Variants in RAB11FIP3 observed in about 807,000 individuals in gnomAD.
RAB11FIP3 encodes the protein rab11 family-interacting protein 3.
In RAB11FIP3, 17 loss-of-function variants were observed where a neutral mutation model predicts 77.8. The ratio of observed to expected loss-of-function variants is 0.22; its 90% CI spans 0.15 to 0.33. The LOEUF is 0.33. Among genes scored for constraint, RAB11FIP3 ranks in the 10% least tolerant of loss-of-function variants. The probability of loss-of-function intolerance (pLI) is 1.00; values close to 1 mark genes in which losing one functional copy is unlikely to be tolerated. For synonymous variants in RAB11FIP3, 437 were observed against 448.2 expected, an observed-to-expected ratio of 0.98 and a Z score of 0.31; for missense variants, 1,005 against 1,011.2, an observed-to-expected ratio of 0.99 and a Z score of 0.08.
At chr16:441,665 C>T (rs1387677900) in intron 1 of RAB11FIP3, among the ~76,000 whole-genome samples, 2 of 152,218 alleles carry the variant, frequency 1.3e-5, no homozygotes, top group African/African-American at 4.8e-5. Context: ...CTGGAGCCCT[C>T]TGCCCCATGC....
At chr16:509,087 A>G (rs59689278) in intron 8 of RAB11FIP3, among the ~76,000 whole-genome samples, 2,143 of 152,204 alleles carry the variant, frequency 0.014, 50 homozygotes, top group African/African-American at 0.049. Context: ...TATTTTTAGT[A>G]GATTCAGGGT....
At chr16:498,519 G>A (rs1445348174) in intron 6 of RAB11FIP3, among the ~76,000 whole-genome samples, 1 of 151,864 alleles carries the variant, frequency 6.6e-6, no homozygotes, top group Non-Finnish European at 1.5e-5. Context: ...TCTTTTCTTG[G>A]CTTTCTTTTC....
rs555940776 is a variant in RAB11FIP3 at position 441,935 on chromosome 16, T to C, written c.714+15215T>C. On this transcript the variant is annotated intron_variant, in intron 1 of 13. Coordinates refer to ENST00000262305, the MANE Select transcript of RAB11FIP3 (RefSeq NM_014700.4). ...CTCACTGTAAGCGCCACCTCCCAGG[T>C]TCACGCCATTCTCCTGCCTCAGCCT... Among the ~76,000 whole-genome samples the C allele has an allele frequency of 3.3e-5, 5 of 152,280 alleles. No individual in the cohort carries two copies. In the South Asian group the frequency reaches 1.0e-3, roughly 32 times the overall value.
intron 6 of RAB11FIP3, chr16:497,120 G>T: frequency 1.7e-6 from 1 of 579,944 alleles, no homozygotes; most frequent in Non-Finnish European, 2.7e-6. Context: ...GTTCACTAAG[G>T]TCTGGAAGGG....
At chr16:437,728 T>C (rs12926123) in intron 1 of RAB11FIP3, among the ~76,000 whole-genome samples, 93,095 of 152,036 alleles carry the variant, frequency 0.61, 28,807 homozygotes, top group East Asian at 0.71. Context: ...CGCGCAAGAC[T>C]GTTATGTCAT....
At chr16:508,576 G>C (rs977044838) in intron 8 of RAB11FIP3, among the ~76,000 whole-genome samples, 3 of 152,104 alleles carry the variant, frequency 2.0e-5, no homozygotes, top group Non-Finnish European at 4.4e-5. Flanking sequence ...GTTTCACCAT[G>C]TTGGCCAGGC....
Position 493,848 on chromosome 16 carries a change from C to T in RAB11FIP3, c.1266-2976C>T, listed in dbSNP as rs375981652. Among the ~76,000 whole-genome samples, 161 of 146,038 alleles carry T rather than the reference C, an allele frequency of 1.1e-3. 4 individuals are homozygous for T. The East Asian group carries it at 0.012, about 10-fold the overall frequency. ...ACCTCGTGATCCGCCCGCCTTGACC[C>T]CCCAAAGTGCTGGGATTACAGGCTG... On this transcript the variant is annotated intron_variant, in intron 5 of 13. Transcript: ENST00000262305.
At chr16:508,790 G>A (rs1403287487) in intron 8 of RAB11FIP3, among the ~76,000 whole-genome samples, 1 of 152,182 alleles carries the variant, frequency 6.6e-6, no homozygotes, top group Admixed American at 6.5e-5. Context: ...TAGTCACACA[G>A]TGGGCCTTCT....
At chr16:519,536 CCCTCGTGGCCTGCGTGTGCG>C (rs1182851142) in intron 10 of RAB11FIP3, among the ~76,000 whole-genome samples, 198 bp from the exon 11 acceptor site, 2 of 152,254 alleles carry the variant, frequency 1.3e-5, no homozygotes, top group Non-Finnish European at 2.9e-5. Context: ...TGAGAAACGG[CCCTCGTGGCCTGCGTGTGCG>C]CCTCTACCCA....
At chr16:488,329 G>A (rs1021295784) in intron 4 of RAB11FIP3, among the ~76,000 whole-genome samples, 1 of 152,096 alleles carries the variant, frequency 6.6e-6, no homozygotes, top group Non-Finnish European at 1.5e-5. Context: ...GCAGTGAGCC[G>A]ATATTGCACG....
In RAB11FIP3 at chr16:505,718, A is replaced by G; in HGVS notation, c.1499+91A>G. 8.7e-7 allele frequency: 1 copy of G among 1,144,014 alleles called. No individual in the cohort carries two copies. The highest frequency in any genetic ancestry group is 1.2e-6 in the Non-Finnish European group (1 of 813,926). The allele number at this position is 1,144,014 out of a possible 1,614,324, so 70.9% of individuals were successfully genotyped here. On this transcript the variant is annotated intron_variant, in intron 8 of 13. Transcript: ENST00000262305. The surrounding 1 kb of genome is among the most constrained non-coding windows in gnomAD (Gnocchi z 4.0). ...TTTACTTCTCTTTACCTCACACAGC[A>G]GGGGCTTGGCCACCCGTCCATCCCC...
At chr16:491,368 C>G in intron 5 of RAB11FIP3, 1 of 1,195,310 alleles carries the variant, frequency 8.4e-7, no homozygotes, top group Non-Finnish European at 1.1e-6. Flanking sequence ...CGACCAGGAG[C>G]CTCTCAGGCA....
At chr16:503,858 CG>C (rs2031664725) in intron 7 of RAB11FIP3, among the ~76,000 whole-genome samples, 1 of 151,660 alleles carries the variant, frequency 6.6e-6, no homozygotes, top group Non-Finnish European at 1.5e-5. Context: ...CCAGCCTGGG[CG>C]ACAGAGGGAG....
At chr16:519,287 C>T (rs1253352482) in intron 10 of RAB11FIP3, among the ~76,000 whole-genome samples, 2 of 152,240 alleles carry the variant, frequency 1.3e-5, no homozygotes, top group African/African-American at 4.8e-5. Context: ...CAGCCAGCCA[C>T]TTATGCCCCA....
chr16:477,693 C>G (rs1018584190), intron 3 of RAB11FIP3: 1 of 984,646 alleles, frequency 1.0e-6, no homozygotes, highest in African/African-American at 1.7e-5. Context: ...TTACAGTGCT[C>G]TCCTGGTTCT....
rs775159960 is a variant in RAB11FIP3 at position 519,739 on chromosome 16, T to C, written c.1723-15T>C. On this transcript the variant is annotated splice_polypyrimidine_tract_variant and intron_variant, in intron 10 of 13. Coordinates refer to ENST00000262305, the MANE Select transcript of RAB11FIP3 (RefSeq NM_014700.4). ...GTGCGTGACCCGCATCCAGGGCAGG[T>C]GTCCACCCCTGCAGGAGAAGCAGAA... The C allele has an allele frequency of 6.2e-7, 1 of 1,610,910 alleles. No homozygotes were observed. Among genetic ancestry groups the C allele is most frequent in the Admixed American group, 1.7e-5 (1 of 59,912 alleles).
Position 425,763 on chromosome 16 carries a change from G to A in RAB11FIP3, c.-244G>A, listed in dbSNP as rs2054927493. ...CCCGCCATCCGCCGCCCGGATCCTC[G>A]CCGCCCTCCCTAGGCCGCCCCGCCG... On this transcript the variant is annotated 5_prime_UTR_variant, in exon 1 of 14. Coordinates refer to ENST00000262305, the MANE Select transcript of RAB11FIP3 (RefSeq NM_014700.4). 1 of 334,338 alleles carries A rather than the reference G, an allele frequency of 3.0e-6. No individual in the cohort carries two copies. The highest frequency in any genetic ancestry group is 5.4e-6 in the Non-Finnish European group (1 of 184,844). The allele number at this position is 334,338 out of a possible 1,614,324, so 20.7% of individuals were successfully genotyped here. A position where few individuals can be genotyped will look rare whatever the true frequency, so the allele number is the denominator to read the frequency against.
At chr16:491,497 C>T (rs190524175) in intron 5 of RAB11FIP3, among the ~76,000 whole-genome samples, 66 of 152,316 alleles carry the variant, frequency 4.3e-4, no homozygotes, top group African/African-American at 8.2e-4. Context: ...AGGAAGTGAT[C>T]GGTCTTTGCA....
Position 453,107 on chromosome 16 carries a change from G to A in RAB11FIP3, c.715-8297G>A, listed in dbSNP as rs567837577. Among the ~76,000 whole-genome samples the A allele has an allele frequency of 3.4e-3, 500 of 145,718 alleles. 2 individuals are homozygous for A. The highest frequency in any genetic ancestry group is 6.5e-3 in the Non-Finnish European group (432 of 66,532). ...TTTTTTATTTTTGAGACGGAGTCTC[G>A]CTCTGTTGCCCAGGCTAGAGTGCAG... is the stretch of plus-strand genomic sequence containing the variant. On this transcript the variant is annotated intron_variant, in intron 1 of 13. Transcript: ENST00000262305.
Sources: allele counts gnomAD v4.1 joint callset (sites outside exome capture counted in the v4.1 genomes callset), GRCh38; gene constraint gnomAD v4.1.1; non-coding constraint Gnocchi (gnomAD v3.1); transcripts MANE v1.5; gene names NCBI Gene and HGNC (gene_info 2026-07-23, HGNC 2026-07-21).